DCUN1D2: variants seen among roughly 807,000 people sequenced by gnomAD.
DCUN1D2 encodes the protein DCN1-like protein 2.
Under a neutral mutation model 30.9 loss-of-function variants are expected in DCUN1D2, and 29 were observed. The observed-to-expected ratio is 0.94, with a 90% CI of 0.70 to 1.28. The LOEUF is 1.28. Ranked by LOEUF, DCUN1D2 falls within the 50% of genes most tolerant of loss-of-function variation. The probability of loss-of-function intolerance (pLI) is 0.00; values close to 1 mark genes in which losing one functional copy is unlikely to be tolerated. For synonymous variants in DCUN1D2, 121 were observed against 115.3 expected (o/e 1.05, Z -0.32); for missense variants, 325 against 316.9 (o/e 1.03, Z -0.19).
chr13:113,485,478 C>T (rs1254978716), intron 1 of DCUN1D2, among the ~76,000 whole-genome samples: 2 of 152,090 alleles, frequency 1.3e-5, no homozygotes, highest in Admixed American at 6.6e-5. Context: ...TAGGAAAATC[C>T]GTTTTCATAA....
chr13:113,457,930 A>T lies in DCUN1D2; in HGVS notation c.*99T>A. On this transcript the variant is annotated 3_prime_UTR_variant, in exon 7 of 7. Transcript: ENST00000478244. Reference sequence around the variant, plus strand: ...CCTCTGGTTTCATGGCTGGTCAAGAATGACTTCTGGAATCAGCGACAATGC... The same window carrying T: ...CCTCTGGTTTCATGGCTGGTCAAGATTGACTTCTGGAATCAGCGACAATGC... The T allele has an allele frequency of 4.3e-6, 5 of 1,152,330 alleles. No individual in the cohort carries two copies. The highest frequency in any genetic ancestry group is 2.0e-4 in the Middle Eastern group (1 of 5,068). The allele number at this position is 1,152,330 out of a possible 1,614,324, so 71.4% of individuals were successfully genotyped here. A position where few individuals can be genotyped will look rare whatever the true frequency, so the allele number is the denominator to read the frequency against.
chr13:113,455,849 C>T lies in DCUN1D2; in HGVS notation c.*2180G>A, dbSNP rs560798769. Reference sequence around the variant, plus strand: ...GAAAAACCAATTTAATGCTTCTGTTCTCAGCATTTCACAGCATGCAGGACT... The same window carrying T: ...GAAAAACCAATTTAATGCTTCTGTTTTCAGCATTTCACAGCATGCAGGACT... On this transcript the variant is annotated 3_prime_UTR_variant, in exon 7 of 7. Transcript: ENST00000478244. 1 of 176,272 alleles carries T rather than the reference C, an allele frequency of 5.7e-6. No homozygotes were observed. Among genetic ancestry groups the T allele is most frequent in the South Asian group, 2.0e-4 (1 of 5,032 alleles). 10.9% of individuals were successfully genotyped at this position (176,272 alleles called of 1,614,324 possible). A position where few individuals can be genotyped will look rare whatever the true frequency, so the allele number is the denominator to read the frequency against.
chr13:113,489,186 G>C (rs900678526), intron 1 of DCUN1D2: 1 of 980,338 alleles, frequency 1.0e-6, no homozygotes, highest in Non-Finnish European at 1.2e-6. Flanking sequence ...AGAGGGAGGG[G>C]GAGTTAAATT....
chr13:113,489,646 TGC>T (rs1377404976), intron 1 of DCUN1D2, among the ~76,000 whole-genome samples: 2 of 152,152 alleles, frequency 1.3e-5, no homozygotes, highest in Non-Finnish European at 2.9e-5. Flanking sequence ...TGGCTCTCTG[TGC>T]CTTAGCCAGG....
In DCUN1D2 at chr13:113,490,643, C is replaced by T. The variant is rs778861600; in HGVS notation, c.3+24G>A. On this transcript the variant is annotated intron_variant, in intron 1 of 6. Coordinates refer to ENST00000478244, the MANE Select transcript of DCUN1D2 (RefSeq NM_001014283.2). The surrounding 1 kb of genome is among the most constrained non-coding windows in gnomAD (Gnocchi z 5.2). ...CGACCCCGACCCCGACCCCGACGGGCAGAGGCGACGCCGGGCCACCTACCA... is the reference window on the plus strand; with the variant it reads ...CGACCCCGACCCCGACCCCGACGGGTAGAGGCGACGCCGGGCCACCTACCA... 5 of 1,240,766 alleles carry T rather than the reference C, an allele frequency of 4.0e-6. No homozygotes were observed. The African/African-American group carries it at 6.3e-5, about 16-fold the overall frequency. 76.9% of individuals were successfully genotyped at this position (1,240,766 alleles called of 1,614,324 possible).
At chr13:113,486,724 AGG>A (rs1236260257) in intron 1 of DCUN1D2, among the ~76,000 whole-genome samples, 2 of 152,220 alleles carry the variant, frequency 1.3e-5, no homozygotes, top group African/African-American at 4.8e-5. Context: ...ATAAAATTTC[AGG>A]GGTTTCACAG....
chr13:113,466,801 A>ATTTT (rs112063279), intron 4 of DCUN1D2, among the ~76,000 whole-genome samples: 14 of 109,794 alleles, frequency 1.3e-4, no homozygotes, highest in Non-Finnish European at 2.0e-4. Flanking sequence ...TGTCCTTTGG[A>ATTTT]TTTTTTTTTT....
chr13:113,461,729 A>G (rs1011209872), intron 4 of DCUN1D2, among the ~76,000 whole-genome samples: 13 of 152,226 alleles, frequency 8.5e-5, no homozygotes, highest in Admixed American at 6.5e-4. Flanking sequence ...TATCAATCAA[A>G]GCCAACGCCC....
chr13:113,484,250 C>A, intron 1 of DCUN1D2, 194 bp from the exon 2 acceptor site: 1 of 1,239,320 alleles, frequency 8.1e-7, no homozygotes, highest in South Asian at 1.6e-5. Context: ...GTCTAAGCTT[C>A]AAAAATTATG....
chr13:113,470,273 C>T (rs893848863), intron 4 of DCUN1D2, among the ~76,000 whole-genome samples: 15 of 152,162 alleles, frequency 9.9e-5, no homozygotes, highest in Non-Finnish European at 7.3e-5. Flanking sequence ...TACTGCTAGG[C>T]GTGCAATAGG....
chr13:113,479,369 T>C (rs2044668842), intron 3 of DCUN1D2, among the ~76,000 whole-genome samples: 1 of 152,206 alleles, frequency 6.6e-6, no homozygotes, highest in Non-Finnish European at 1.5e-5. Context: ...TTTATCATTA[T>C]GAAATGGTCC....
intron 4 of DCUN1D2, among the ~76,000 whole-genome samples, chr13:113,469,546 G>C (rs2044467658): frequency 6.6e-6 from 1 of 152,204 alleles, no homozygotes; most frequent in African/African-American, 2.4e-5. Flanking sequence ...GCCAGGCACA[G>C]TCTGCGTGCC....
rs1338624900 is a variant in DCUN1D2, at chr13:113,474,164, A to T, written c.480T>A (p.Phe160Leu). 2 of 1,614,038 alleles carry T rather than the reference A, an allele frequency of 1.2e-6. No homozygotes were observed. The highest frequency in any genetic ancestry group is 1.7e-6 in the Non-Finnish European group (2 of 1,179,984). The change falls in exon 4 of 7, where the codon TTT becomes TTA. Residue 160 changes from phenylalanine (F) to leucine (L), a missense_variant. Coordinates refer to ENST00000478244, the MANE Select transcript of DCUN1D2 (RefSeq NM_001014283.2). ...DTAKFKDFYQ[F>L]TFTFAKNPGQ... ...CTGGGTTCTTAGCGAAGGTGAAGGT[A>T]AACTGATAAAAATCTTTAAACTTGG...
chr13:113,467,060 G>A (rs1480633390), intron 4 of DCUN1D2, among the ~76,000 whole-genome samples: 3 of 151,750 alleles, frequency 2.0e-5, no homozygotes, highest in African/African-American at 7.3e-5. Flanking sequence ...CGCCCGCCTC[G>A]GCCTCCCAAA....
chr13:113,474,674 G>A (rs77800833), intron 3 of DCUN1D2, among the ~76,000 whole-genome samples: 2 of 152,334 alleles, frequency 1.3e-5, no homozygotes, highest in East Asian at 3.9e-4. Flanking sequence ...ACCACGGAGA[G>A]AGGACCCTGC....
intron 4 of DCUN1D2, among the ~76,000 whole-genome samples, chr13:113,465,269 C>A (rs893801360): frequency 2.0e-5 from 3 of 152,036 alleles, no homozygotes; most frequent in African/African-American, 4.8e-5. Flanking sequence ...AAAGTAAATG[C>A]CATTATTTTA....
chr13:113,459,229 G>T, intron 6 of DCUN1D2, 83 bp downstream of exon 6: 1 of 770,662 alleles, frequency 1.3e-6, no homozygotes, highest in Non-Finnish European at 2.4e-6. Flanking sequence ...TCAGTGACGG[G>T]GTCACCACTC....
chr13:113,483,910 CGAG>C lies in DCUN1D2; in HGVS notation c.147_149del (p.Asp49_Ser50delinsGlu). 1 of 1,613,912 alleles carries C rather than the reference CGAG, an allele frequency of 6.2e-7. No homozygotes were observed. The highest frequency in any genetic ancestry group is 2.2e-5 in the East Asian group (1 of 44,884). ...CGTTCCGCATGGACTCCCTGTGGAG[CGAG>C]TCTGGGTTTTGGAAGAAGCTGTCCG... On this transcript the variant is annotated inframe_deletion, in exon 2 of 7. Transcript: ENST00000478244.
intron 5 of DCUN1D2, among the ~76,000 whole-genome samples, chr13:113,460,130 G>GTA (rs561812913): frequency 9.6e-4 from 147 of 152,360 alleles, no homozygotes; most frequent in Non-Finnish European, 1.6e-3. Flanking sequence ...AGCACATGAT[G>GTA]TAATGAAACA....
Sources: allele counts gnomAD v4.1 joint callset (sites outside exome capture counted in the v4.1 genomes callset), GRCh38; gene constraint gnomAD v4.1.1; non-coding constraint Gnocchi (gnomAD v3.1); transcripts MANE v1.5; gene names NCBI Gene and HGNC (gene_info 2026-07-23, HGNC 2026-07-21).